The following PHKB variants were observed in gnomAD, a reference collection of about 807,000 sequenced individuals.
PHKB encodes the protein phosphorylase kinase regulatory subunit beta.
PHKB carries 122 observed loss-of-function variants against 152.1 expected under a neutral mutation model. That is an observed-to-expected ratio of 0.80 (90% CI 0.69 to 0.93). The LOEUF (loss-of-function observed/expected upper bound fraction) is 0.93, where lower values mean the gene tolerates loss of function less well. Ranked by LOEUF, PHKB falls within the 40% of genes least tolerant of loss-of-function variation. PHKB has a pLI of 0.00. For synonymous variants in PHKB, 436 were observed against 464.9 expected, an observed-to-expected ratio of 0.94 and a Z score of 0.80; for missense variants, 1,304 against 1,328.4, an observed-to-expected ratio of 0.98 and a Z score of 0.29.
At chr16:47,545,501 C>T (rs149389892) in intron 6 of PHKB, among the ~76,000 whole-genome samples, 13,080 of 152,104 alleles carry the variant, frequency 0.086, 1,125 homozygotes, top group African/African-American at 0.22. Flanking sequence ...GGTAACCCGA[C>T]CTTTCTCTCT....
chr16:47,595,888 T>A (rs1972109136), intron 12 of PHKB, among the ~76,000 whole-genome samples: 2 of 152,208 alleles, frequency 1.3e-5, no homozygotes, highest in African/African-American at 2.4e-5. Flanking sequence ...CAGCTTTCTA[T>A]AGCTTATCAA....
intron 5 of PHKB, 95 bp downstream of exon 5, chr16:47,511,867 A>G: frequency 2.4e-6 from 2 of 837,228 alleles, no homozygotes; most frequent in African/African-American, 1.7e-5. Flanking sequence ...TTTTGTGGAA[A>G]ACAAGTTTTC....
intron 14 of PHKB, among the ~76,000 whole-genome samples, chr16:47,619,708 C>T (rs1042019939): frequency 1.3e-5 from 2 of 152,306 alleles, no homozygotes; most frequent in Non-Finnish European, 2.9e-5. Flanking sequence ...CATACTGCAG[C>T]GCCTCTGCCA....
At chr16:47,665,953 GC>G (rs745450873) in intron 25 of PHKB, 1 of 1,613,624 alleles carries the variant, frequency 6.2e-7, no homozygotes, top group Non-Finnish European at 8.5e-7. Context: ...TCGGTTGTAC[GC>G]CGTGCAGCAA....
intron 1 of PHKB, among the ~76,000 whole-genome samples, chr16:47,473,843 C>T (rs1045130684): frequency 6.7e-6 from 1 of 149,684 alleles, no homozygotes; most frequent in African/African-American, 2.6e-5. Context: ...ACAAATCTGG[C>T]CCCTCACATA....
chr16:47,598,776 T>G, intron 13 of PHKB: 1 of 1,582,856 alleles, frequency 6.3e-7, no homozygotes, highest in Non-Finnish European at 8.7e-7. Context: ...CCTCTTCTAA[T>G]TGACTGCCTT....
chr16:47,565,252 G>C, intron 7 of PHKB: 1 of 701,604 alleles, frequency 1.4e-6, no homozygotes. Context: ...ACTCCGTTCA[G>C]TGGTCTTTGT....
At chr16:47,677,209 A>G (rs1973747674) in intron 26 of PHKB, among the ~76,000 whole-genome samples, 1 of 152,198 alleles carries the variant, frequency 6.6e-6, no homozygotes. Flanking sequence ...GAAGCTCCCC[A>G]ACCTCTATTC....
intron 7 of PHKB, among the ~76,000 whole-genome samples, chr16:47,575,266 C>T (rs1971730625): frequency 6.6e-6 from 1 of 152,186 alleles, no homozygotes. Context: ...TGTAAATTAA[C>T]ACAACCTCTA....
At chr16:47,621,602 A>G (rs1972618738) in intron 14 of PHKB, among the ~76,000 whole-genome samples, 1 of 152,182 alleles carries the variant, frequency 6.6e-6, no homozygotes, top group African/African-American at 2.4e-5. Context: ...AATAACAACA[A>G]CAACTTCACT....
In PHKB at chr16:47,565,466, A is replaced by G. The variant is rs1597089898; in HGVS notation, c.711-14829A>G. ...GGAGGGTTAGAACTTCACTTCACCC[A>G]AGCATTCTCCTTTGGTGGAGGGGCT... is the stretch of plus-strand genomic sequence containing the variant. On this transcript the variant is annotated intron_variant, in intron 7 of 30. Coordinates refer to ENST00000323584, the MANE Select transcript of PHKB (RefSeq NM_000293.3). The G allele has an allele frequency of 1.1e-5, 16 of 1,398,108 alleles. No individual in the cohort carries two copies. In the East Asian group the frequency reaches 3.7e-4, roughly 32 times the overall value. 86.6% of individuals were successfully genotyped at this position (1,398,108 alleles called of 1,614,324 possible). A position where few individuals can be genotyped will look rare whatever the true frequency, so the allele number is the denominator to read the frequency against.
At chr16:47,679,432 C>T (rs913668962) in intron 26 of PHKB, among the ~76,000 whole-genome samples, 2 of 152,050 alleles carry the variant, frequency 1.3e-5, no homozygotes, top group South Asian at 2.1e-4. Context: ...TGTTTGTGTC[C>T]TCTTTTATTT....
rs916406361 is a variant in PHKB, at chr16:47,699,432, C to T, written c.*66C>T. The T allele has an allele frequency of 2.7e-5, 43 of 1,579,638 alleles. 3 individuals carry two copies. The South Asian group carries it at 4.5e-4, about 17-fold the overall frequency. ...AAGTGTGTTGTGTTTCATGTTCAAG[C>T]TTAATCAAGGCAGCCATTAATATAC... On this transcript the variant is annotated 3_prime_UTR_variant, in exon 31 of 31. Coordinates refer to ENST00000323584, the MANE Select transcript of PHKB (RefSeq NM_000293.3).
intron 12 of PHKB, among the ~76,000 whole-genome samples, chr16:47,594,944 A>G (rs1972092192): frequency 6.6e-6 from 1 of 152,198 alleles, no homozygotes; most frequent in Non-Finnish European, 1.5e-5. Flanking sequence ...GGTTTTCCAC[A>G]GATATCTCAG....
At chr16:47,546,156 T>C (rs1971160496) in intron 6 of PHKB, among the ~76,000 whole-genome samples, 1 of 152,190 alleles carries the variant, frequency 6.6e-6, no homozygotes, top group Non-Finnish European at 1.5e-5. Flanking sequence ...CTACGGTTCT[T>C]TGGAGAAGGG....
chr16:47,501,464 A>G (rs1197209579), intron 3 of PHKB, among the ~76,000 whole-genome samples: 1 of 152,174 alleles, frequency 6.6e-6, no homozygotes, highest in Admixed American at 6.5e-5. Flanking sequence ...TTGAGCCAAG[A>G]CTATGTATTA....
intron 7 of PHKB, among the ~76,000 whole-genome samples, chr16:47,563,848 C>T (rs1469208850): frequency 6.6e-6 from 1 of 152,108 alleles, no homozygotes; most frequent in East Asian, 1.9e-4. Flanking sequence ...GTCCCCTATA[C>T]CATTCTGTAT....
rs563611685 is a variant in PHKB at position 47,593,661 on chromosome 16, C to T, written c.1126+104C>T. ...AGCAGAAATAAATTATGACTCTTTT[C>T]AGCTAGAAAAATAGACTGCGCTTCA... On this transcript the variant is annotated intron_variant, in intron 11 of 30. Coordinates refer to ENST00000323584, the MANE Select transcript of PHKB (RefSeq NM_000293.3). The T allele has an allele frequency of 8.4e-5, 63 of 749,398 alleles. No homozygotes were observed. In the Admixed American group the frequency reaches 1.0e-3, roughly 12 times the overall value. The allele number at this position is 749,398 out of a possible 1,614,324, so 46.4% of individuals were successfully genotyped here. A position where few individuals can be genotyped will look rare whatever the true frequency, so the allele number is the denominator to read the frequency against.
chr16:47,610,241 C>T lies in PHKB; in HGVS notation c.1364-585C>T, dbSNP rs545237986. Among the ~76,000 whole-genome samples the T allele has an allele frequency of 2.3e-4, 34 of 145,390 alleles. No homozygotes were observed. In the South Asian group the frequency reaches 6.3e-3, roughly 27 times the overall value. The stretch of plus-strand genomic sequence containing the variant: ...GGCCAGGCTGGTCTCAAACTCCTGA[C>T]CTTGTGATCCGCCCACCTCAGCCTC... On this transcript the variant is annotated intron_variant, in intron 13 of 30. Transcript: ENST00000323584.
Sources: allele counts gnomAD v4.1 joint callset (sites outside exome capture counted in the v4.1 genomes callset), GRCh38; gene constraint gnomAD v4.1.1; transcripts MANE v1.5; gene names NCBI Gene and HGNC (gene_info 2026-07-23, HGNC 2026-07-21).